The following TAOK3 variants were observed in gnomAD, a reference collection of about 807,000 sequenced individuals.
The protein encoded by TAOK3 is serine/threonine-protein kinase TAO3.
In TAOK3, 40 loss-of-function variants were observed where a neutral mutation model predicts 120.4. That is an observed-to-expected ratio of 0.33 (90% CI 0.26 to 0.43). TAOK3 has a LOEUF of 0.43. Ranked by LOEUF, TAOK3 falls within the 20% of genes least tolerant of loss-of-function variation. TAOK3 has a pLI of 1.00. For missense variants in TAOK3, 821 were observed against 1,112.1 expected (o/e 0.74, Z 3.72); for synonymous variants, 355 against 387.5 (o/e 0.92, Z 0.99).
chr12:118,195,866 C>T (rs1198434254), intron 13 of TAOK3, among the ~76,000 whole-genome samples: 3 of 151,846 alleles, frequency 2.0e-5, no homozygotes, highest in East Asian at 1.9e-4. Context: ...CCGGCTAACA[C>T]GGTGAAACCC....
chr12:118,274,901 G>A (rs532540497), intron 1 of TAOK3, among the ~76,000 whole-genome samples: 69 of 151,586 alleles, frequency 4.6e-4, no homozygotes, highest in African/African-American at 1.5e-3. Context: ...AAGCCACCAC[G>A]CCCAGCAACA....
chr12:118,266,951 A>G (rs181576753), intron 1 of TAOK3, among the ~76,000 whole-genome samples, 192 bp from the exon 2 acceptor site: 13 of 152,352 alleles, frequency 8.5e-5, no homozygotes, highest in Admixed American at 5.2e-4. Context: ...TTCACAGGCA[A>G]TATCTGGGAA....
chr12:118,225,174 G>T (rs1000062344), intron 9 of TAOK3, among the ~76,000 whole-genome samples: 1 of 151,208 alleles, frequency 6.6e-6, no homozygotes, highest in Non-Finnish European at 1.5e-5. Context: ...CTTGAGTCCA[G>T]GGGGTGGAGG....
At chr12:118,208,237 G>A (rs1260179912) in intron 11 of TAOK3, among the ~76,000 whole-genome samples, 3 of 152,100 alleles carry the variant, frequency 2.0e-5, no homozygotes, top group African/African-American at 7.2e-5. Context: ...TGAAAGTGAT[G>A]TTTTAATGTC....
chr12:118,346,207 C>CA (rs1164044204), intron 1 of TAOK3, among the ~76,000 whole-genome samples: 10 of 152,278 alleles, frequency 6.6e-5, no homozygotes, highest in African/African-American at 2.2e-4. Context: ...AGGGACTTCT[C>CA]ACCACTTTGT....
At chr12:118,201,265 A>G (rs751151491) in intron 12 of TAOK3, 31 bp downstream of exon 12, 14 of 1,595,566 alleles carry the variant, frequency 8.8e-6, no homozygotes, top group African/African-American at 2.7e-5. Flanking sequence ...TGGGCATTCT[A>G]TAAGTGCCTG....
chr12:118,359,652 A>C (rs2045525138), intron 1 of TAOK3: 1 of 152,232 alleles, frequency 6.6e-6, no homozygotes, highest in Admixed American at 6.5e-5. Flanking sequence ...AACTGCAGAT[A>C]AAAACAGCGT....
intron 3 of TAOK3, among the ~76,000 whole-genome samples, chr12:118,252,377 GAAAAT>G (rs2040794059): frequency 6.6e-6 from 1 of 152,040 alleles, no homozygotes; most frequent in African/African-American, 2.4e-5. Context: ...AGAAAAGTAA[GAAAAT>G]AATCACCATA....
intron 16 of TAOK3, among the ~76,000 whole-genome samples, chr12:118,176,359 T>A (rs1214138318): frequency 6.6e-6 from 1 of 152,116 alleles, no homozygotes. Flanking sequence ...GCAGCATTAG[T>A]GTGAGATGTC....
chr12:118,193,755 C>T (rs952895927), intron 13 of TAOK3, among the ~76,000 whole-genome samples: 1 of 152,138 alleles, frequency 6.6e-6, no homozygotes, highest in Non-Finnish European at 1.5e-5. Context: ...GGCTACTTGC[C>T]TACAGTTTCT....
intron 13 of TAOK3, among the ~76,000 whole-genome samples, chr12:118,194,325 C>G (rs529163935): frequency 5.9e-5 from 9 of 151,958 alleles, no homozygotes; most frequent in Admixed American, 1.3e-4. Flanking sequence ...AAAGCTGGGG[C>G]TGGAGGAAGG....
At chr12:118,293,607 G>C (rs983793316) in intron 1 of TAOK3, among the ~76,000 whole-genome samples, 7 of 151,758 alleles carry the variant, frequency 4.6e-5, no homozygotes, top group African/African-American at 1.2e-4. Context: ...CCGGGAGGCA[G>C]AGGTTGCAGT....
chr12:118,338,786 CAAAAAAAAAAAAA>C (rs71069438), intron 1 of TAOK3, among the ~76,000 whole-genome samples: 4 of 49,840 alleles, frequency 8.0e-5, no homozygotes, highest in African/African-American at 2.7e-4. Context: ...GACTCCGTCT[CAAAAAAAAAAAAA>C]AAAAAAAAAA....
intron 1 of TAOK3, among the ~76,000 whole-genome samples, chr12:118,334,407 A>G (rs2044277605): frequency 6.6e-6 from 1 of 152,194 alleles, no homozygotes; most frequent in African/African-American, 2.4e-5. Context: ...TATATAAGCT[A>G]TCTAAAATAA....
At position 118,214,976 on chromosome 12, in the gene TAOK3, C is replaced by T. The variant is rs868783924; in HGVS notation, c.644-866G>A. 2.2e-4 allele frequency among the ~76,000 whole-genome samples: 33 copies of T among 151,644 alleles called. 1 individual carries two copies. The Middle Eastern group carries it at 0.01, about 47-fold the overall frequency. Reference sequence around the variant, plus strand: ...GTCAGGCTGGTCTTGAACTCCCAGCCTCAGGTGATCCACCCACCTCAGCCT... The same window carrying T: ...GTCAGGCTGGTCTTGAACTCCCAGCTTCAGGTGATCCACCCACCTCAGCCT... On this transcript the variant is annotated intron_variant, in intron 9 of 20. Coordinates refer to ENST00000392533, the MANE Select transcript of TAOK3 (RefSeq NM_016281.4).
chr12:118,199,583 G>C (rs2037920307), intron 12 of TAOK3: 5 of 340,564 alleles, frequency 1.5e-5, no homozygotes, highest in Non-Finnish European at 2.2e-5. Context: ...GTTTGTAAGG[G>C]ACCTTCTGGA....
At position 118,152,676 on chromosome 12, in the gene TAOK3, G is replaced by A. The variant is rs1003497483; in HGVS notation, c.2353-267C>T. The A allele has an allele frequency of 3.4e-5, 13 of 383,988 alleles. No homozygotes were observed. The Admixed American group carries it at 5.1e-4, about 15-fold the overall frequency. The allele number at this position is 383,988 out of a possible 1,614,324, so 23.8% of individuals were successfully genotyped here. A position where few individuals can be genotyped will look rare whatever the true frequency, so the allele number is the denominator to read the frequency against. ...AGGAAGGCTACACCTGTGGGCTTTG[G>A]AGGTAGGCTCCTGGGCTTGAATTAC... On this transcript the variant is annotated intron_variant, in intron 19 of 20. Transcript: ENST00000392533.
intron 1 of TAOK3, among the ~76,000 whole-genome samples, chr12:118,351,299 T>G (rs1361883933): frequency 6.6e-6 from 1 of 152,204 alleles, no homozygotes; most frequent in Non-Finnish European, 1.5e-5. Flanking sequence ...TTTTCTAGCA[T>G]CACATGGGTC....
intron 13 of TAOK3, chr12:118,198,792 G>A: frequency 2.1e-6 from 1 of 487,058 alleles, no homozygotes; most frequent in Non-Finnish European, 3.8e-6. Context: ...TTTAGAGAAG[G>A]ACTTATCAAA....
Sources: allele counts gnomAD v4.1 joint callset (sites outside exome capture counted in the v4.1 genomes callset), GRCh38; gene constraint gnomAD v4.1.1; transcripts MANE v1.5; gene names NCBI Gene and HGNC (gene_info 2026-07-23, HGNC 2026-07-21).